Variants in GPD2 observed in about 807,000 individuals in gnomAD.
GPD2 encodes the protein glycerol-3-phosphate dehydrogenase 2.
Under a neutral mutation model 82.4 loss-of-function variants are expected in GPD2, and 54 were observed. The observed-to-expected ratio is 0.66, with a 90% CI of 0.53 to 0.82. The LOEUF (loss-of-function observed/expected upper bound fraction) is 0.82. GPD2 is among the 40% of genes least tolerant of loss of function. The probability of loss-of-function intolerance (pLI) is 0.00; values close to 1 mark genes in which losing one functional copy is unlikely to be tolerated. For missense variants in GPD2, 748 were observed against 896.2 expected, an observed-to-expected ratio of 0.83 and a Z score of 2.11; for synonymous variants, 288 against 306.1, an observed-to-expected ratio of 0.94 and a Z score of 0.62.
rs200997719 is a variant in GPD2 at position 156,496,214 on chromosome 2, A to G, written c.273A>G (p.Arg91=). 65 of 1,598,958 alleles carry G rather than the reference A, an allele frequency of 4.1e-5. No homozygotes were observed. The highest frequency in any genetic ancestry group is 2.9e-4 in the East Asian group (13 of 44,742). The part of the protein sequence containing the change: ...GSGCALDAVT[R]GLKTALVERD... ...GCTGTGCGCTAGATGCTGTCACCAG[A>G]GGTAAGTCTTTTTTTTTTTTATTTT... Residue 91 remains arginine (R), a splice_region_variant and synonymous_variant, in exon 3 of 17, where the codon AGA becomes AGG. Coordinates refer to ENST00000438166, the MANE Select transcript of GPD2 (RefSeq NM_000408.5).
At chr2:156,401,179 G>A in the GPD2 span, among the ~76,000 whole-genome samples, 5 of 152,108 alleles carry the variant, frequency 3.3e-5, no homozygotes, top group Non-Finnish European at 7.3e-5. Flanking sequence ...CGGGCCTCCC[G>A]CGTGGCAGGC....
rs1686316402 is a variant in GPD2, at chr2:156,541,680, G to A, written c.662-7928G>A. Reference sequence around the variant, plus strand: ...ATTTCACAAACAAGGAAGCTTACCAGGGGTTTTTAGGCCATATAACTGCAT... The same window carrying A: ...ATTTCACAAACAAGGAAGCTTACCAAGGGTTTTTAGGCCATATAACTGCAT... On this transcript the variant is annotated intron_variant, in intron 6 of 16. Coordinates refer to ENST00000438166, the MANE Select transcript of GPD2 (RefSeq NM_000408.5). Among the ~76,000 whole-genome samples, 3 of 152,106 alleles carry A rather than the reference G, an allele frequency of 2.0e-5. 1 individual carries two copies. The South Asian group carries it at 6.2e-4, about 31-fold the overall frequency.
At chr2:156,465,023 G>T (rs1683103654) in intron 1 of GPD2, among the ~76,000 whole-genome samples, 1 of 152,014 alleles carries the variant, frequency 6.6e-6, no homozygotes, top group African/African-American at 2.4e-5. Flanking sequence ...GCTAATTTTT[G>T]TAGTTTTAGT....
chr2:156,452,861 A>C (rs948796585), intron 1 of GPD2, among the ~76,000 whole-genome samples: 12 of 152,186 alleles, frequency 7.9e-5, no homozygotes, highest in Non-Finnish European at 1.8e-4. Flanking sequence ...TATTAGTAAA[A>C]GGAAGGACTG....
the GPD2 span, among the ~76,000 whole-genome samples, chr2:156,407,394 C>T: frequency 1.3e-5 from 2 of 152,050 alleles, no homozygotes; most frequent in Non-Finnish European, 2.9e-5. Flanking sequence ...TCCTTTTCTC[C>T]CCCCAGAAAT....
In GPD2 at chr2:156,572,388, C is replaced by T. The variant is rs577974182; in HGVS notation, c.1767+1096C>T. 3.3e-5 allele frequency among the ~76,000 whole-genome samples: 5 copies of T among 151,910 alleles called. No homozygotes were observed. The South Asian group carries it at 8.3e-4, about 25-fold the overall frequency. ...ACACTTGTGTTGAAGTGAATTCAAC[C>T]GTTTCTTAACACATCCAACTTCCAT... On this transcript the variant is annotated intron_variant, in intron 13 of 16. Coordinates refer to ENST00000438166, the MANE Select transcript of GPD2 (RefSeq NM_000408.5).
At chr2:156,547,453 G>A (rs1164331419) in intron 6 of GPD2, among the ~76,000 whole-genome samples, 1 of 152,190 alleles carries the variant, frequency 6.6e-6, no homozygotes, top group Non-Finnish European at 1.5e-5. Flanking sequence ...TGTTCAGGGA[G>A]CTACAAATAA....
intron 1 of GPD2, among the ~76,000 whole-genome samples, chr2:156,452,156 G>A (rs1682626787): frequency 6.6e-6 from 1 of 152,240 alleles, no homozygotes; most frequent in Admixed American, 6.5e-5. Flanking sequence ...CTGGGTGGCG[G>A]CCGGGCAGAG....
the GPD2 span, among the ~76,000 whole-genome samples, chr2:156,414,870 C>T: frequency 2.6e-5 from 4 of 151,848 alleles, no homozygotes; most frequent in African/African-American, 7.3e-5. Flanking sequence ...ATAAATATAC[C>T]TTTAATATCT....
rs1688160928 is a variant in GPD2 at position 156,584,918 on chromosome 2, T to A, written c.*2000T>A. ...GTTAGATCAAGATAACGATGACTTGTACCCTCCCTGATTCTGTTACAGTAG... is the reference window on the plus strand; with the variant it reads ...GTTAGATCAAGATAACGATGACTTGAACCCTCCCTGATTCTGTTACAGTAG... On this transcript the variant is annotated 3_prime_UTR_variant, in exon 17 of 17. Transcript: ENST00000438166. 1 of 152,070 alleles carries A rather than the reference T, an allele frequency of 6.6e-6. No individual in the cohort carries two copies. The highest frequency in any genetic ancestry group is 1.5e-5 in the Non-Finnish European group (1 of 67,936). The allele number at this position is 152,070 out of a possible 1,614,324, so 9.4% of individuals were successfully genotyped here. A position where few individuals can be genotyped will look rare whatever the true frequency, so the allele number is the denominator to read the frequency against.
chr2:156,473,159 A>G (rs1046950109), intron 1 of GPD2, among the ~76,000 whole-genome samples: 2 of 152,220 alleles, frequency 1.3e-5, no homozygotes, highest in Non-Finnish European at 2.9e-5. Context: ...ATCACAGTAG[A>G]AATAATGAGC....
chr2:156,492,147 C>CTTTTTT lies in GPD2; in HGVS notation c.103-3877_103-3872dup, dbSNP rs770947790. Among the ~76,000 whole-genome samples the CTTTTTT allele has an allele frequency of 2.6e-4, 20 of 75,504 alleles. 1 individual carries two copies. The highest frequency in any genetic ancestry group is 4.8e-4 in the African/African-American group (9 of 18,636). The allele number at this position is 75,504 out of a possible 152,430, so 49.5% of individuals were successfully genotyped here. A position where few individuals can be genotyped will look rare whatever the true frequency, so the allele number is the denominator to read the frequency against. On this transcript the variant is annotated intron_variant, in intron 2 of 16. Coordinates refer to ENST00000438166, the MANE Select transcript of GPD2 (RefSeq NM_000408.5). ...CCACCACTTGGTATTCCCTCCCTAC[C>CTTTTTT]TTTTTTTTTTTTTTTTTTTTTTTTT...
chr2:156,578,434 CTG>C (rs1687903010), intron 13 of GPD2, among the ~76,000 whole-genome samples: 1 of 151,526 alleles, frequency 6.6e-6, no homozygotes, highest in Non-Finnish European at 1.5e-5. Flanking sequence ...CGGTCAGTTT[CTG>C]TGTAAGAATA....
chr2:156,406,016 A>C, the GPD2 span, among the ~76,000 whole-genome samples: 1 of 151,998 alleles, frequency 6.6e-6, no homozygotes, highest in Non-Finnish European at 1.5e-5. Flanking sequence ...GAAATAGTTC[A>C]TATAATACAA....
At chr2:156,530,302 T>TTTTCTGAAG (rs1553473928) in intron 6 of GPD2, among the ~76,000 whole-genome samples, 1 of 42,442 alleles carries the variant, frequency 2.4e-5, no homozygotes, top group Non-Finnish European at 5.5e-5. Flanking sequence ...ATCCTGAGAC[T>TTTTCTGAAG]TTGCTTATCA....
At chr2:156,490,157 T>C (rs1684122675) in intron 2 of GPD2, among the ~76,000 whole-genome samples, 1 of 152,120 alleles carries the variant, frequency 6.6e-6, no homozygotes, top group Admixed American at 6.5e-5. Flanking sequence ...TGTCTTAAAG[T>C]GTGTTGTTAC....
the GPD2 span, among the ~76,000 whole-genome samples, chr2:156,417,221 T>C: frequency 6.6e-6 from 1 of 152,202 alleles, no homozygotes; most frequent in Non-Finnish European, 1.5e-5. Context: ...TAGGTATTTG[T>C]TGAAGAGTGA....
At chr2:156,582,276 A>T (rs1031016884) in intron 16 of GPD2, among the ~76,000 whole-genome samples, 1 of 152,064 alleles carries the variant, frequency 6.6e-6, no homozygotes, top group Admixed American at 6.6e-5. Context: ...TTCTTAAGGT[A>T]GATCTCTGGG....
Position 156,474,160 on chromosome 2 carries a change from A to T in GPD2, c.-8-1938A>T, listed in dbSNP as rs562923998. Among the ~76,000 whole-genome samples, 16 of 152,318 alleles carry T rather than the reference A, an allele frequency of 1.1e-4. No homozygotes were observed. The South Asian group carries it at 1.2e-3, about 12-fold the overall frequency. ...CCTGGGAAGAATCTTAATTAAAAAGATAAAGTTTAGAATTTAGGAGTTTGT... is the reference window on the plus strand; with the variant it reads ...CCTGGGAAGAATCTTAATTAAAAAGTTAAAGTTTAGAATTTAGGAGTTTGT... On this transcript the variant is annotated intron_variant, in intron 1 of 16. Transcript: ENST00000438166.
Sources: gnomAD v4.1 joint callset for allele counts (sites outside exome capture counted in the v4.1 genomes callset) on GRCh38, gnomAD v4.1.1 for gene constraint, MANE v1.5 for transcripts, NCBI Gene and HGNC (gene_info 2026-07-23, HGNC 2026-07-21) for gene names.